CCL28: variants seen among roughly 807,000 people sequenced by gnomAD.
CCL28 encodes C-C motif chemokine ligand 28.
A neutral mutation model predicts 7.1 loss-of-function variants in CCL28; 4 were observed. The observed-to-expected ratio is 0.56, with a 90% CI of 0.28 to 1.29. CCL28 has a LOEUF of 1.29. CCL28 is among the 50% of genes most tolerant of loss of function. The probability of loss-of-function intolerance (pLI) is 0.11; values close to 1 mark genes in which losing one functional copy is unlikely to be tolerated. For missense variants in CCL28, 151 were observed against 163.4 expected, an observed-to-expected ratio of 0.92 and a Z score of 0.41; for synonymous variants, 55 against 57.8, an observed-to-expected ratio of 0.95 and a Z score of 0.22.
At chr5:43,387,628 T>G (rs528624837) in intron 2 of CCL28, among the ~76,000 whole-genome samples, 3 of 152,322 alleles carry the variant, frequency 2.0e-5, no homozygotes, top group South Asian at 2.1e-4. Context: ...TTTTTGTTGT[T>G]GTGGTGGTGG....
intron 1 of CCL28, among the ~76,000 whole-genome samples, chr5:43,403,725 A>C (rs1482992559): frequency 1.3e-5 from 2 of 152,242 alleles, no homozygotes; most frequent in African/African-American, 4.8e-5. Flanking sequence ...CTAAAGGAGG[A>C]AGTTCGAACC....
intron 1 of CCL28, among the ~76,000 whole-genome samples, chr5:43,393,985 A>C (rs576876883): frequency 6.6e-6 from 1 of 152,322 alleles, no homozygotes; most frequent in Non-Finnish European, 1.5e-5. Context: ...GCTGCCGTAC[A>C]TGCTTGTAAA....
the CCL28 span, among the ~76,000 whole-genome samples, chr5:43,370,744 CTT>C: frequency 1.1e-4 from 5 of 45,786 alleles, no homozygotes. Flanking sequence ...CTTTCTCTCT[CTT>C]TTTTTTTTTT....
chr5:43,409,883 G>C (rs1301369626), intron 1 of CCL28, among the ~76,000 whole-genome samples: 1 of 151,958 alleles, frequency 6.6e-6, no homozygotes, highest in East Asian at 1.9e-4. Context: ...ATTGAGTTCT[G>C]GGAGCCAGCA....
rs185265846 is a variant in CCL28 at position 43,387,283 on chromosome 5, C to T, written c.191+1067G>A. ...GTTTCTGCAATTCACGAGCTGTACACAAGTGAACCGTGTAACCTGAGTCAC... is the reference window on the plus strand; with the variant it reads ...GTTTCTGCAATTCACGAGCTGTACATAAGTGAACCGTGTAACCTGAGTCAC... On this transcript the variant is annotated intron_variant, in intron 2 of 2. Transcript: ENST00000361115. 1.7e-3 allele frequency among the ~76,000 whole-genome samples: 253 copies of T among 152,328 alleles called. 1 individual carries two copies. The highest frequency in any genetic ancestry group is 2.4e-3 in the Non-Finnish European group (160 of 68,032).
chr5:43,395,629 AG>A (rs1366650154), intron 1 of CCL28, among the ~76,000 whole-genome samples: 1 of 152,122 alleles, frequency 6.6e-6, no homozygotes, highest in African/African-American at 2.4e-5. Context: ...GTTACAGGAA[AG>A]GGGTCCCCAT....
At chr5:43,377,989 C>T (rs1163616319), downstream of CCL28, among the ~76,000 whole-genome samples, 2 of 132,324 alleles carry the variant, frequency 1.5e-5, no homozygotes, top group Admixed American at 7.0e-5. Context: ...GCCTCGGCCT[C>T]CCAAAGTGCT....
chr5:43,406,608 C>A (rs1741292876), intron 1 of CCL28, among the ~76,000 whole-genome samples: 1 of 152,214 alleles, frequency 6.6e-6, no homozygotes, highest in Non-Finnish European at 1.5e-5. Context: ...TGCCCTCTCT[C>A]ACCTTCCTAT....
At chr5:43,385,058 G>A (rs1350126458) in intron 2 of CCL28, among the ~76,000 whole-genome samples, 1 of 152,058 alleles carries the variant, frequency 6.6e-6, no homozygotes, top group Non-Finnish European at 1.5e-5. Flanking sequence ...CACCATGCCC[G>A]GCTAATTTTT....
the CCL28 span, among the ~76,000 whole-genome samples, chr5:43,369,466 C>T: frequency 6.6e-6 from 1 of 151,864 alleles, no homozygotes; most frequent in Non-Finnish European, 1.5e-5. Context: ...TCTCTGCTGC[C>T]CAGGTGGGAG....
In CCL28 at chr5:43,388,373, C is replaced by T. The variant is rs368171189; in HGVS notation, c.168G>A (p.Gly56=). 6.8e-6 allele frequency: 11 copies of T among 1,614,132 alleles called. No homozygotes were observed. The African/African-American group carries it at 1.3e-4, about 20-fold the overall frequency. The change falls in exon 2 of 3, where the codon GGG becomes GGA. Residue 56 remains glycine, a synonymous_variant. Coordinates refer to ENST00000361115, the MANE Select transcript of CCL28 (RefSeq NM_148672.3). ...VNMCRIQRAD[G]DCDLAAVILH... The stretch of plus-strand genomic sequence containing the variant: ...ACATGACAGCAGCCAAGTCACAATC[C>T]CCATCAGCTCTCTGGATGCGACACA...
the CCL28 span, among the ~76,000 whole-genome samples, chr5:43,359,066 G>C: frequency 6.6e-6 from 1 of 152,168 alleles, no homozygotes; most frequent in African/African-American, 2.4e-5. Context: ...CTAATGAAAG[G>C]CCACAAGATT....
the CCL28 span, among the ~76,000 whole-genome samples, chr5:43,368,146 C>T: frequency 2.1e-4 from 32 of 152,186 alleles, no homozygotes; most frequent in African/African-American, 5.5e-4. Context: ...TTTTGTAATA[C>T]GTGGGAGGAA....
chr5:43,404,823 A>G (rs1197752450), intron 1 of CCL28, among the ~76,000 whole-genome samples: 1 of 152,212 alleles, frequency 6.6e-6, no homozygotes, highest in African/African-American at 2.4e-5. Flanking sequence ...AAGATCTACC[A>G]AGCAAATGGA....
chr5:43,393,980 C>T (rs116173484), intron 1 of CCL28, among the ~76,000 whole-genome samples: 77 of 152,238 alleles, frequency 5.1e-4, no homozygotes, highest in African/African-American at 1.7e-3. Flanking sequence ...TTTGTGCTGC[C>T]GTACATGCTT....
the CCL28 span, among the ~76,000 whole-genome samples, chr5:43,362,515 A>C: frequency 6.6e-6 from 1 of 152,214 alleles, no homozygotes; most frequent in Non-Finnish European, 1.5e-5. Flanking sequence ...TAGTTTATAA[A>C]ACATGGATTC....
chr5:43,411,081 T>C (rs367765141), intron 1 of CCL28, among the ~76,000 whole-genome samples: 1 of 152,214 alleles, frequency 6.6e-6, no homozygotes, highest in Non-Finnish European at 1.5e-5. Flanking sequence ...CTTGCCATGG[T>C]ATGGTGGAAT....
In CCL28 at chr5:43,380,906, A is replaced by G. The variant is rs180700537; in HGVS notation, c.*954T>C. On this transcript the variant is annotated 3_prime_UTR_variant, in exon 3 of 3. Transcript: ENST00000361115. Reference sequence around the variant, plus strand: ...AACAATTATTTGCAATATGTATGTCAACCTTGATTGATTACTGGAGTGAAA... The same window carrying G: ...AACAATTATTTGCAATATGTATGTCGACCTTGATTGATTACTGGAGTGAAA... 6.6e-6 allele frequency: 1 copy of G among 152,266 alleles called. No homozygotes were observed. Among genetic ancestry groups the G allele is most frequent in the East Asian group, 1.9e-4 (1 of 5,186 alleles). The allele number at this position is 152,266 out of a possible 1,614,324, so 9.4% of individuals were successfully genotyped here. A position where few individuals can be genotyped will look rare whatever the true frequency, so the allele number is the denominator to read the frequency against.
At chr5:43,387,178 A>AGT (rs933907371) in intron 2 of CCL28, among the ~76,000 whole-genome samples, 10 of 152,292 alleles carry the variant, frequency 6.6e-5, no homozygotes, top group African/African-American at 2.4e-4. Flanking sequence ...AGGGTATTTT[A>AGT]TGGTTAGTCC....
Sources: gnomAD v4.1 joint callset for allele counts (sites outside exome capture counted in the v4.1 genomes callset) on GRCh38, gnomAD v4.1.1 for gene constraint, MANE v1.5 for transcripts, NCBI Gene and HGNC (gene_info 2026-07-23, HGNC 2026-07-21) for gene names.